The following CLASP1 variants were observed in gnomAD, a reference collection of about 807,000 sequenced individuals.
CLASP1 encodes the protein CLIP-associating protein 1.
Under a neutral mutation model 192.3 loss-of-function variants are expected in CLASP1, and 38 were observed. The ratio of observed to expected loss-of-function variants is 0.20; its 90% CI spans 0.15 to 0.26. CLASP1 has a LOEUF of 0.26. Among genes scored for constraint, CLASP1 ranks in the 10% least tolerant of loss-of-function variants. The pLI is 1.00. For synonymous variants in CLASP1, 691 were observed against 712.8 expected, an observed-to-expected ratio of 0.97 and a Z score of 0.49; for missense variants, 1,433 against 1,932.5, an observed-to-expected ratio of 0.74 and a Z score of 4.85.
chr2:121,529,891 C>T (rs952896738), intron 3 of CLASP1, among the ~76,000 whole-genome samples: 1 of 152,124 alleles, frequency 6.6e-6, no homozygotes, highest in Admixed American at 6.5e-5. Context: ...GCTAATTTAG[C>T]ATAAGAAATA....
chr2:121,529,604 C>T (rs1446336593), intron 3 of CLASP1, among the ~76,000 whole-genome samples: 1 of 152,074 alleles, frequency 6.6e-6, no homozygotes, highest in Non-Finnish European at 1.5e-5. Context: ...CATGAAACAC[C>T]GGAGGTCAGG....
At chr2:121,423,912 G>C (rs1310341259) in intron 22 of CLASP1, among the ~76,000 whole-genome samples, 1 of 152,126 alleles carries the variant, frequency 6.6e-6, no homozygotes, top group South Asian at 2.1e-4. Context: ...AGACTTTCAT[G>C]AGCTGGACTC....
intron 6 of CLASP1, among the ~76,000 whole-genome samples, chr2:121,520,716 C>G (rs532604260): frequency 6.6e-6 from 1 of 152,338 alleles, no homozygotes; most frequent in East Asian, 1.9e-4. Context: ...AGTCTTCAGG[C>G]AGAACTCAGG....
chr2:121,531,086 G>C (rs975585610), intron 2 of CLASP1: 5 of 669,844 alleles, frequency 7.5e-6, no homozygotes, highest in Admixed American at 2.1e-5. Context: ...GGTTAAACCA[G>C]TAGAGGGTGC....
rs1184086408 is a variant in CLASP1 at position 121,407,368 on chromosome 2, A to G, written c.2669+103T>C. 1.1e-5 allele frequency: 14 copies of G among 1,313,414 alleles called. No individual in the cohort carries two copies. In the East Asian group the frequency reaches 3.4e-4, roughly 32 times the overall value. The allele number at this position is 1,313,414 out of a possible 1,614,324, so 81.4% of individuals were successfully genotyped here. On this transcript the variant is annotated intron_variant, in intron 25 of 39. Transcript: ENST00000263710. ...AGCAGACCTCTTGGTATCTCCATTA[A>G]TTATAGGAATTAGACTCCATTAATT...
At chr2:121,602,174 C>CAA (rs71398035) in intron 2 of CLASP1, among the ~76,000 whole-genome samples, 2,156 of 131,320 alleles carry the variant, frequency 0.016, 48 homozygotes, top group African/African-American at 0.051. Context: ...CACTCCATCT[C>CAA]AAAAAAAAAA....
At position 121,367,350 on chromosome 2, in the gene CLASP1, G is replaced by C. The variant is rs3816187; in HGVS notation, c.3886+238C>G. Among the ~76,000 whole-genome samples, 5,632 of 152,264 alleles carry C rather than the reference G, an allele frequency of 0.037. 156 individuals are homozygous for C. Among genetic ancestry groups the C allele is most frequent in the East Asian group, 0.14 (715 of 5,162 alleles). The stretch of plus-strand genomic sequence containing the variant: ...TGTGGCAGTGGCTACTTCATATCAC[G>C]TGTGACTGTTTATTTCCTCACTGCC... On this transcript the variant is annotated intron_variant, in intron 35 of 39. Coordinates refer to ENST00000263710, the Ensembl canonical transcript of CLASP1.
chr2:121,427,572 G>A (rs2080658699), intron 20 of CLASP1, 142 bp from the exon 21 acceptor site: 1 of 780,982 alleles, frequency 1.3e-6, no homozygotes, highest in Admixed American at 2.3e-5. Context: ...CCTAGGACTT[G>A]TTCCTCCTAT....
At chr2:121,550,548 A>G (rs2057941994) in intron 2 of CLASP1, among the ~76,000 whole-genome samples, 1 of 152,174 alleles carries the variant, frequency 6.6e-6, no homozygotes, top group Non-Finnish European at 1.5e-5. Context: ...ACAATTAGAA[A>G]TGATGAAGAA....
At chr2:121,631,158 CAA>C (rs869087192) in intron 1 of CLASP1, among the ~76,000 whole-genome samples, 386 of 65,076 alleles carry the variant, frequency 5.9e-3, no homozygotes, top group African/African-American at 0.017. Flanking sequence ...GACTCCAGCT[CAA>C]AAAAAAAAAA....
intron 2 of CLASP1, among the ~76,000 whole-genome samples, chr2:121,570,119 T>C (rs1022418044): frequency 2.6e-5 from 4 of 152,238 alleles, no homozygotes; most frequent in South Asian, 2.1e-4. Context: ...ATCACTAATA[T>C]GCACTCACTT....
At chr2:121,391,338 G>A (rs1400345025) in intron 30 of CLASP1, among the ~76,000 whole-genome samples, 5 of 152,176 alleles carry the variant, frequency 3.3e-5, no homozygotes, top group Non-Finnish European at 7.4e-5. Flanking sequence ...ACTCGACTAC[G>A]CTGAAGTGAG....
At chr2:121,530,046 G>T (rs549656331) in intron 3 of CLASP1, among the ~76,000 whole-genome samples, 2 of 151,984 alleles carry the variant, frequency 1.3e-5, no homozygotes, top group Admixed American at 6.6e-5. Context: ...GGAAGGCAGC[G>T]GGGCGGCCGA....
At chr2:121,437,315 C>T (rs187516845) in intron 19 of CLASP1, among the ~76,000 whole-genome samples, 1 of 152,238 alleles carries the variant, frequency 6.6e-6, no homozygotes, top group East Asian at 1.9e-4. Context: ...GTTCCATTTG[C>T]TCTTCTTCAA....
intron 8 of CLASP1, among the ~76,000 whole-genome samples, chr2:121,493,449 A>G (rs1246674478): frequency 6.6e-6 from 1 of 152,254 alleles, no homozygotes; most frequent in Non-Finnish European, 1.5e-5. Flanking sequence ...ATCCATATGC[A>G]GAAGAATAAA....
intron 6 of CLASP1, among the ~76,000 whole-genome samples, chr2:121,525,312 A>C (rs2094549740): frequency 6.6e-6 from 1 of 152,174 alleles, no homozygotes; most frequent in African/African-American, 2.4e-5. Context: ...CACACTGAGG[A>C]AGTGGTACTT....
Position 121,414,429 on chromosome 2 carries a change from G to A in CLASP1, c.2321-3460C>T, listed in dbSNP as rs148872331. 1.1e-3 allele frequency among the ~76,000 whole-genome samples: 168 copies of A among 152,228 alleles called. 2 individuals carry two copies. Among genetic ancestry groups the A allele is most frequent in the African/African-American group, 3.4e-3 (142 of 41,532 alleles). ...TTAAACACACAGGCACAACAAAGGCGCTCTTAAAGGTGCTCCAAACTAAGT... is the reference window on the plus strand; with the variant it reads ...TTAAACACACAGGCACAACAAAGGCACTCTTAAAGGTGCTCCAAACTAAGT... On this transcript the variant is annotated intron_variant, in intron 23 of 39. Coordinates refer to ENST00000263710, the Ensembl canonical transcript of CLASP1.
intron 2 of CLASP1, among the ~76,000 whole-genome samples, chr2:121,600,585 A>G (rs1447315271): frequency 6.6e-6 from 1 of 152,236 alleles, no homozygotes; most frequent in Non-Finnish European, 1.5e-5. Flanking sequence ...TCCTTTAGGC[A>G]GTGTTACTAC....
chr2:121,595,921 G>C (rs1398219719), intron 2 of CLASP1, among the ~76,000 whole-genome samples: 3 of 152,102 alleles, frequency 2.0e-5, no homozygotes, highest in Middle Eastern at 3.2e-3. Flanking sequence ...TATATACATG[G>C]GCTTACTGAA....
Sources: gnomAD v4.1 joint callset for allele counts (sites outside exome capture counted in the v4.1 genomes callset) on GRCh38, gnomAD v4.1.1 for gene constraint, MANE v1.5 for transcripts, NCBI Gene and HGNC (gene_info 2026-07-23, HGNC 2026-07-21) for gene names.